The following ANO3 variants were observed in gnomAD, a reference collection of about 807,000 sequenced individuals.
ANO3 encodes anoctamin 3.
In ANO3, 99 loss-of-function variants were observed where a neutral mutation model predicts 144.8. The ratio of observed to expected loss-of-function variants is 0.68; its 90% CI spans 0.58 to 0.81. The LOEUF (loss-of-function observed/expected upper bound fraction) is 0.81. Among genes scored for constraint, ANO3 ranks in the 30% least tolerant of loss-of-function variants. The pLI, the probability that ANO3 is intolerant of heterozygous loss-of-function variation, is 0.00. For synonymous variants in ANO3, 414 were observed against 392.6 expected (o/e 1.05, Z -0.64); for missense variants, 905 against 1,202.2 (o/e 0.75, Z 3.66).
At chr11:26,592,267 CT>C (rs1286495197) in intron 14 of ANO3, among the ~76,000 whole-genome samples, 2 of 151,688 alleles carry the variant, frequency 1.3e-5, no homozygotes, top group Non-Finnish European at 2.9e-5. Flanking sequence ...CTTAGGTTAG[CT>C]TTTTTAGATG....
At chr11:26,209,861 TA>T in intron 1 of ANO3, among the ~76,000 whole-genome samples, 1 of 152,290 alleles carries the variant, frequency 6.6e-6, no homozygotes, top group Non-Finnish European at 1.5e-5. Context: ...TAAATTTGTT[TA>T]AGTTCTTTGT....
chr11:26,206,288 C>G (rs939227291), intron 1 of ANO3, among the ~76,000 whole-genome samples: 2 of 152,110 alleles, frequency 1.3e-5, no homozygotes, highest in African/African-American at 4.8e-5. Flanking sequence ...ATCCAACCAT[C>G]TTCAAATGCA....
At chr11:26,499,621 T>A (rs1029669275) in intron 4 of ANO3, among the ~76,000 whole-genome samples, 3 of 151,836 alleles carry the variant, frequency 2.0e-5, no homozygotes, top group Non-Finnish European at 4.4e-5. Flanking sequence ...CTTTCTATTC[T>A]GTTTCTATTT....
intron 1 of ANO3, among the ~76,000 whole-genome samples, chr11:26,214,263 T>C (rs1851993350): frequency 6.6e-6 from 1 of 151,952 alleles, no homozygotes; most frequent in African/African-American, 2.4e-5. Flanking sequence ...AATAATTTTT[T>C]TTTTCTGTTT....
At chr11:26,597,034 G>A (rs1851651054) in intron 14 of ANO3, among the ~76,000 whole-genome samples, 1 of 152,186 alleles carries the variant, frequency 6.6e-6, no homozygotes, top group African/African-American at 2.4e-5. Flanking sequence ...GTTTTTAACT[G>A]GCTGATGGGT....
chr11:26,295,719 A>C (rs1854073783), intron 1 of ANO3, among the ~76,000 whole-genome samples: 1 of 152,212 alleles, frequency 6.6e-6, no homozygotes, highest in Non-Finnish European at 1.5e-5. Flanking sequence ...AAATCAGATT[A>C]AAAATTTTAA....
chr11:26,565,055 T>G, intron 14 of ANO3: 1 of 1,093,966 alleles, frequency 9.1e-7, no homozygotes, highest in Non-Finnish European at 1.3e-6. Context: ...ATCCATGCTA[T>G]TGTGTTCTCT....
At chr11:26,497,920 T>A (rs1341652638) in intron 4 of ANO3, among the ~76,000 whole-genome samples, 2 of 152,084 alleles carry the variant, frequency 1.3e-5, no homozygotes. Context: ...CAGTAAATTC[T>A]AAAGTCTTTT....
chr11:26,573,323 G>T (rs967490), intron 14 of ANO3, among the ~76,000 whole-genome samples: 74,347 of 151,880 alleles, frequency 0.49, 18,318 homozygotes, highest in South Asian at 0.63. Flanking sequence ...AACCAACCCC[G>T]AAAAAATATT....
chr11:26,304,067 T>C (rs1854302933), intron 1 of ANO3, among the ~76,000 whole-genome samples: 1 of 152,226 alleles, frequency 6.6e-6, no homozygotes, highest in East Asian at 1.9e-4. Context: ...TCAAATAATA[T>C]TCACTTTGGC....
intron 1 of ANO3, among the ~76,000 whole-genome samples, chr11:26,365,602 A>G (rs1406206230): frequency 6.6e-6 from 1 of 152,168 alleles, no homozygotes; most frequent in African/African-American, 2.4e-5. Context: ...ACTTAAAACC[A>G]TGGGGAAGCC....
upstream of ANO3, among the ~76,000 whole-genome samples, chr11:26,329,002 C>A (rs543122807): frequency 1.3e-5 from 2 of 151,950 alleles, no homozygotes; most frequent in South Asian, 4.2e-4. Context: ...ATACATTAAT[C>A]ATGCCCCCTC....
chr11:26,506,241 G>A (rs908554750), intron 4 of ANO3, among the ~76,000 whole-genome samples: 2 of 152,082 alleles, frequency 1.3e-5, no homozygotes, highest in Non-Finnish European at 2.9e-5. Flanking sequence ...TCCTAGGAGT[G>A]TTTATTTGTA....
chr11:26,340,535 G>A (rs1324042854), intron 1 of ANO3, among the ~76,000 whole-genome samples: 3 of 152,162 alleles, frequency 2.0e-5, no homozygotes, highest in Non-Finnish European at 1.5e-5. Flanking sequence ...AAACTCCAGA[G>A]GAGGAGACTA....
intron 1 of ANO3, among the ~76,000 whole-genome samples, chr11:26,280,018 GA>G (rs1853643443): frequency 6.6e-6 from 1 of 152,080 alleles, no homozygotes; most frequent in African/African-American, 2.4e-5. Flanking sequence ...CTGCTTTAAT[GA>G]AAAAGAGTTT....
At chr11:26,560,885 G>C in intron 14 of ANO3, 5 of 556,232 alleles carry the variant, frequency 9.0e-6, no homozygotes, top group Non-Finnish European at 1.5e-5. Flanking sequence ...AAAATTGTAA[G>C]AAAGAAAACC....
At chr11:26,613,134 A>G (rs1474930500) in intron 17 of ANO3, among the ~76,000 whole-genome samples, 2 of 152,108 alleles carry the variant, frequency 1.3e-5, no homozygotes, top group Non-Finnish European at 2.9e-5. Context: ...CTATAATGGG[A>G]ACATTTGTTC....
chr11:26,527,541 T>C (rs919468661), intron 7 of ANO3, among the ~76,000 whole-genome samples: 2 of 152,122 alleles, frequency 1.3e-5, no homozygotes, highest in East Asian at 3.9e-4. Context: ...AAACTCAATC[T>C]GTAGACAGTT....
chr11:26,641,956 A>G lies in ANO3; in HGVS notation c.2202A>G (p.Ile734Met). 1 of 1,613,998 alleles carries G rather than the reference A, an allele frequency of 6.2e-7. No individual in the cohort carries two copies. Residue 734 changes from isoleucine to methionine, a missense_variant, in exon 22 of 27, where the codon ATA becomes ATG. Physicochemically the swap from Ile to Met is conservative, Grantham distance 10. Around this residue, in one of 4 missense-constraint regions of ANO3, gnomAD observed 597 missense variants for 865.1 expected, o/e 0.69. Coordinates refer to ENST00000256737, the MANE Select transcript of ANO3 (RefSeq NM_031418.4). ...AGCGGGGAATACATGATGCTTCCAT[A>G]CCTCAGTGGGAAAATGATTGGAATC... ...KIKRGIHDAS[I>M]PQWENDWNLQ...
Sources: allele counts gnomAD v4.1 joint callset (sites outside exome capture counted in the v4.1 genomes callset), GRCh38; gene constraint gnomAD v4.1.1; regional missense constraint gnomAD v4.1.1; transcripts MANE v1.5; gene names NCBI Gene and HGNC (gene_info 2026-07-23, HGNC 2026-07-21).